P3H2: variants seen among roughly 807,000 people sequenced by gnomAD.
P3H2 encodes prolyl 3-hydroxylase 2.
P3H2 carries 80 observed loss-of-function variants against 87.0 expected under a neutral mutation model. That is an observed-to-expected ratio of 0.92 (90% CI 0.77 to 1.11). The LOEUF is 1.11. Ranked by LOEUF, P3H2 falls within the 50% of genes least tolerant of loss-of-function variation. The pLI is 0.00. For missense variants in P3H2, 1,001 were observed against 923.9 expected (o/e 1.08, Z -1.08); for synonymous variants, 367 against 359.3 (o/e 1.02, Z -0.24).
At chr3:189,986,049 T>A (rs532094312) in intron 6 of P3H2, among the ~76,000 whole-genome samples, 1 of 152,218 alleles carries the variant, frequency 6.6e-6, no homozygotes, top group South Asian at 2.1e-4. Context: ...AAAAGCGGAG[T>A]GAAGTCAGCA....
intron 2 of P3H2, among the ~76,000 whole-genome samples, chr3:189,994,843 A>G (rs2108924365): frequency 6.6e-6 from 1 of 152,124 alleles, no homozygotes; most frequent in African/African-American, 2.4e-5. Flanking sequence ...CCCCAGTTTG[A>G]AACATACAGG....
chr3:190,030,028 A>C (rs1725205092), intron 1 of P3H2, among the ~76,000 whole-genome samples: 1 of 152,044 alleles, frequency 6.6e-6, no homozygotes, highest in African/African-American at 2.4e-5. Flanking sequence ...AAAAAAGAAA[A>C]AAAGATAATG....
chr3:190,112,411 G>A (rs1358333911), intron 1 of P3H2, among the ~76,000 whole-genome samples: 1 of 152,196 alleles, frequency 6.6e-6, no homozygotes, highest in Non-Finnish European at 1.5e-5. Context: ...ATGAGGGTAA[G>A]TGACATAAAA....
rs114689275 is a variant in P3H2, at chr3:190,060,704, T to C, written c.480+59548A>G. On this transcript the variant is annotated intron_variant, in intron 1 of 14. Transcript: ENST00000319332. Reference sequence around the variant, plus strand: ...AAACCAAAGATTTCACATCAAACTATAATTTGGTGCTATTTTGTTCCACTG... The same window carrying C: ...AAACCAAAGATTTCACATCAAACTACAATTTGGTGCTATTTTGTTCCACTG... Among the ~76,000 whole-genome samples the C allele has an allele frequency of 9.1e-3, 1,388 of 152,254 alleles. 21 individuals are homozygous for C. Among genetic ancestry groups the C allele is most frequent in the African/African-American group, 0.032 (1,314 of 41,558 alleles).
At chr3:190,037,055 T>C (rs1725448281) in intron 1 of P3H2, among the ~76,000 whole-genome samples, 1 of 152,104 alleles carries the variant, frequency 6.6e-6, no homozygotes, top group South Asian at 2.1e-4. Flanking sequence ...GTAATAATGT[T>C]TATGTCTGCA....
chr3:190,082,824 A>G (rs961303472), intron 1 of P3H2, among the ~76,000 whole-genome samples: 6 of 152,172 alleles, frequency 3.9e-5, no homozygotes, highest in African/African-American at 1.4e-4. Context: ...TTACTTAATC[A>G]AGTGGGAAGA....
intron 13 of P3H2, chr3:189,969,799 A>C: frequency 6.2e-7 from 1 of 1,608,028 alleles, no homozygotes; most frequent in Admixed American, 1.7e-5. Context: ...TTTCTGGATC[A>C]TCCAGGCCTG....
intron 1 of P3H2, among the ~76,000 whole-genome samples, chr3:190,001,640 C>T (rs937370450): frequency 6.6e-6 from 1 of 152,170 alleles, no homozygotes; most frequent in African/African-American, 2.4e-5. Flanking sequence ...CTCTAGCTAG[C>T]AGCATAAGCA....
chr3:190,050,572 C>T (rs1526032), intron 1 of P3H2, among the ~76,000 whole-genome samples: 124,357 of 152,092 alleles, frequency 0.82, 51,028 homozygotes, highest in East Asian at 0.88. Context: ...CTAAAACTTT[C>T]GAGTCCTCAT....
At chr3:189,999,227 G>A (rs750828937) in intron 1 of P3H2, among the ~76,000 whole-genome samples, 6 of 152,106 alleles carry the variant, frequency 3.9e-5, no homozygotes, top group Admixed American at 6.6e-5. Flanking sequence ...CAAATTTGAC[G>A]TTTTGCTTAT....
chr3:190,053,683 C>T (rs1176177201), intron 1 of P3H2, among the ~76,000 whole-genome samples: 3 of 152,164 alleles, frequency 2.0e-5, no homozygotes, highest in African/African-American at 7.2e-5. Flanking sequence ...GTCTCTAAGT[C>T]CTGACCTCAG....
chr3:190,059,337 A>T (rs1285436991), intron 1 of P3H2, among the ~76,000 whole-genome samples: 1 of 152,088 alleles, frequency 6.6e-6, no homozygotes, highest in Admixed American at 6.6e-5. Flanking sequence ...TATTCCAGGA[A>T]GATAGTCTCA....
At chr3:190,009,150 G>A (rs1294009861) in intron 1 of P3H2, among the ~76,000 whole-genome samples, 1 of 152,122 alleles carries the variant, frequency 6.6e-6, no homozygotes, top group Admixed American at 6.5e-5. Context: ...AGTTTTCTAG[G>A]AGTACAAGTG....
At chr3:189,987,879 T>C in intron 4 of P3H2, 1 of 581,408 alleles carries the variant, frequency 1.7e-6, no homozygotes, top group South Asian at 2.0e-5. Context: ...TTGGTCTGCT[T>C]TGGTACTAGT....
At chr3:190,031,360 G>A (rs1666475) in intron 1 of P3H2, among the ~76,000 whole-genome samples, 119,366 of 151,614 alleles carry the variant, frequency 0.79, 47,038 homozygotes, top group East Asian at 0.86. Context: ...AGTGTATGCC[G>A]GGCATGAGGT....
chr3:190,109,926 G>A (rs1254648200), intron 1 of P3H2, among the ~76,000 whole-genome samples: 1 of 145,520 alleles, frequency 6.9e-6, no homozygotes, highest in Non-Finnish European at 1.5e-5. Flanking sequence ...TCAGCTCACT[G>A]CAGCCTCTCC....
intron 1 of P3H2, among the ~76,000 whole-genome samples, chr3:190,006,721 G>C (rs1007254130): frequency 3.3e-5 from 5 of 152,204 alleles, no homozygotes; most frequent in African/African-American, 1.2e-4. Context: ...TGAGAAAGTA[G>C]GACTGAGGGT....
intron 8 of P3H2, among the ~76,000 whole-genome samples, chr3:189,977,308 C>T (rs910921383): frequency 3.3e-5 from 5 of 152,186 alleles, no homozygotes; most frequent in Non-Finnish European, 5.9e-5. Flanking sequence ...TCTCCGCTGC[C>T]ATGCTGTAAT....
At chr3:190,064,878 A>T (rs1049530577) in intron 1 of P3H2, among the ~76,000 whole-genome samples, 1 of 152,150 alleles carries the variant, frequency 6.6e-6, no homozygotes. Flanking sequence ...CTTCTGATAT[A>T]CAACAAAATC....
Sources: gnomAD v4.1 joint callset for allele counts (sites outside exome capture counted in the v4.1 genomes callset) on GRCh38, gnomAD v4.1.1 for gene constraint, MANE v1.5 for transcripts, NCBI Gene and HGNC (gene_info 2026-07-23, HGNC 2026-07-21) for gene names.